KMT2E: variants seen among roughly 807,000 people sequenced by gnomAD.
The protein encoded by KMT2E is histone reader KMT2E.
Under a neutral mutation model 184.6 loss-of-function variants are expected in KMT2E, and 30 were observed. That is an observed-to-expected ratio of 0.16 (90% CI 0.12 to 0.22). The LOEUF (loss-of-function observed/expected upper bound fraction) is 0.22, where lower values mean the gene tolerates loss of function less well. Ranked by LOEUF, KMT2E falls within the 10% of genes least tolerant of loss-of-function variation. The probability of loss-of-function intolerance (pLI) is 1.00; values close to 1 mark genes in which losing one functional copy is unlikely to be tolerated. For synonymous variants in KMT2E, 815 were observed against 776.5 expected (o/e 1.05, Z -0.82); for missense variants, 2,023 against 2,237.4 (o/e 0.90, Z 1.93).
chr7:105,081,899 T>C, intron 13 of KMT2E, 102 bp downstream of exon 13: 1 of 575,174 alleles, frequency 1.7e-6, no homozygotes, highest in East Asian at 2.9e-5. Flanking sequence ...TTTTTATTTT[T>C]ATCTATCATG....
intron 3 of KMT2E, among the ~76,000 whole-genome samples, chr7:105,053,486 A>G (rs918691789): frequency 6.6e-6 from 1 of 152,234 alleles, no homozygotes; most frequent in African/African-American, 2.4e-5. Context: ...CTTAAAATAT[A>G]TAATAATTTT....
chr7:105,071,342 G>T (rs55931372), intron 6 of KMT2E, among the ~76,000 whole-genome samples: 5,958 of 151,428 alleles, frequency 0.039, 407 homozygotes, highest in African/African-American at 0.14. Flanking sequence ...TCCAGCAGGA[G>T]CTGTGCTGTT....
intron 1 of KMT2E, among the ~76,000 whole-genome samples, chr7:105,016,939 CCTTA>C (rs1794740226): frequency 6.6e-6 from 1 of 152,146 alleles, no homozygotes; most frequent in African/African-American, 2.4e-5. Context: ...GAGCACACAA[CCTTA>C]CTTAGAATAT....
intron 3 of KMT2E, among the ~76,000 whole-genome samples, chr7:105,053,624 T>TGCCTGTAATCCCAG (rs1562894161): frequency 1.3e-4 from 20 of 151,952 alleles, no homozygotes; most frequent in African/African-American, 4.8e-4. Context: ...TGTAATCCCA[T>TGCCTGTAATCCCAG]CACTTTGAGA....
chr7:105,039,148 T>C (rs528410812), intron 2 of KMT2E: 29 of 152,354 alleles, frequency 1.9e-4, no homozygotes, highest in African/African-American at 5.3e-4. Context: ...ACCAATTCTT[T>C]GTAGAATGCT....
At chr7:105,092,179 G>C (rs1299254714) in intron 15 of KMT2E, among the ~76,000 whole-genome samples, 2 of 152,176 alleles carry the variant, frequency 1.3e-5, no homozygotes, top group Admixed American at 6.5e-5. Flanking sequence ...ACTTTGGGAG[G>C]CCAAGGTGGG....
chr7:105,106,002 A>G lies in KMT2E; in HGVS notation c.2595A>G (p.Pro865=). ...PLLLNDSCSL[P]DLTTPLKKRR... is the part of the protein sequence containing the mutation. ...TATTAAATGACAGCTGTTCCCTTCC[A>G]GGTAGAATTTTTTTTTCAGAGTTTT... is the stretch of plus-strand genomic sequence containing the variant. Residue 865 remains proline, a splice_region_variant and synonymous_variant, in exon 19 of 27, where the codon CCA becomes CCG. Coordinates refer to ENST00000311117, the MANE Select transcript of KMT2E (RefSeq NM_182931.3). The G allele has an allele frequency of 6.3e-7, 1 of 1,598,818 alleles. No homozygotes were observed. The highest frequency in any genetic ancestry group is 8.5e-7 in the Non-Finnish European group (1 of 1,176,110).
At chr7:105,076,544 A>G (rs1013459103) in intron 9 of KMT2E, among the ~76,000 whole-genome samples, 33 of 152,228 alleles carry the variant, frequency 2.2e-4, no homozygotes, top group African/African-American at 7.7e-4. Flanking sequence ...GTAGCTAAAA[A>G]GTATCTTGAA....
At chr7:105,102,266 A>G (rs1798687396) in intron 17 of KMT2E, 72 bp downstream of exon 17, 1 of 1,393,066 alleles carries the variant, frequency 7.2e-7, no homozygotes, top group African/African-American at 1.5e-5. Flanking sequence ...TGTTTTAAAA[A>G]TTGGATTTTT....
At chr7:105,024,485 A>G (rs897822064) in intron 1 of KMT2E, among the ~76,000 whole-genome samples, 1 of 152,192 alleles carries the variant, frequency 6.6e-6, no homozygotes, top group African/African-American at 2.4e-5. Context: ...TTTAGAATTG[A>G]CTTAAGAGAA....
At chr7:105,033,644 G>A (rs1403068159) in intron 1 of KMT2E, among the ~76,000 whole-genome samples, 5 of 152,044 alleles carry the variant, frequency 3.3e-5, no homozygotes, top group East Asian at 1.9e-4. Flanking sequence ...GACTACAGAC[G>A]CCCGCCACCA....
rs146427176 is a variant in KMT2E, at chr7:105,090,036, C to T, written c.1386C>T (p.Leu462=). 1.4e-5 allele frequency: 23 copies of T among 1,612,862 alleles called. No individual in the cohort carries two copies. Among genetic ancestry groups the T allele is most frequent in the East Asian group, 4.5e-5 (2 of 44,834 alleles). The change falls in exon 14 of 27, where the codon CTC becomes CTT. Residue 462 remains leucine (L), a synonymous_variant. Transcript: ENST00000311117. ...NCKYKVDCAC[L]KENPECPVLK... ...AGTACAAGGTGGACTGTGCATGCCT[C>T]AAAGAAAACCCAGAGTGCCCTGTTC...
intron 3 of KMT2E, among the ~76,000 whole-genome samples, chr7:105,046,041 C>T (rs1039296755): frequency 1.3e-5 from 2 of 152,084 alleles, no homozygotes; most frequent in Admixed American, 1.3e-4. Flanking sequence ...CTCATGACTT[C>T]CAAATCATCC....
chr7:105,063,980 G>A (rs377082898), intron 5 of KMT2E: 22 of 452,710 alleles, frequency 4.9e-5, no homozygotes, highest in African/African-American at 2.0e-4. Flanking sequence ...TTTCATTGAT[G>A]TTTGTTTGAC....
At chr7:105,019,553 A>G (rs1794859565) in intron 1 of KMT2E, among the ~76,000 whole-genome samples, 1 of 152,226 alleles carries the variant, frequency 6.6e-6, no homozygotes, top group Non-Finnish European at 1.5e-5. Flanking sequence ...ATGAGTAAAT[A>G]ATTAACCTAT....
At chr7:105,100,358 T>C (rs1211343091) in intron 15 of KMT2E, among the ~76,000 whole-genome samples, 1 of 152,204 alleles carries the variant, frequency 6.6e-6, no homozygotes, top group Non-Finnish European at 1.5e-5. Flanking sequence ...TTACTGGAAC[T>C]AAAGCTCCAA....
chr7:105,097,556 T>G (rs943506459), intron 15 of KMT2E, among the ~76,000 whole-genome samples: 5 of 152,106 alleles, frequency 3.3e-5, no homozygotes, highest in Non-Finnish European at 5.9e-5. Flanking sequence ...TGGCTAATTT[T>G]TTGTATCTTT....
intron 3 of KMT2E, among the ~76,000 whole-genome samples, chr7:105,051,033 ATTTC>A (rs761985358): frequency 3.4e-5 from 5 of 147,358 alleles, no homozygotes; most frequent in Non-Finnish European, 7.5e-5. Context: ...GGCCTCATCT[ATTTC>A]TTTCTTTCCT....
chr7:105,091,220 C>T lies in KMT2E; in HGVS notation c.1628C>T (p.Pro543Leu), dbSNP rs1313507141. The change falls in exon 15 of 27, where the codon CCA (proline) becomes CTA (leucine). Residue 543 changes from proline (P) to leucine (L), a missense_variant. Physicochemically the swap from Pro to Leu is moderately conservative, Grantham distance 98. Transcript: ENST00000311117. ...GAAGTCATTTCCATTTTTCAGGAACCAGATTTTATTGATGATATAGAAGAA... is the reference window on the plus strand; with the variant it reads ...GAAGTCATTTCCATTTTTCAGGAACTAGATTTTATTGATGATATAGAAGAA... ...LRLSVSNNQE[P>L]DFIDDIEEKT... The T allele has an allele frequency of 3.4e-6, 5 of 1,468,378 alleles. No homozygotes were observed. The African/African-American group carries it at 4.2e-5, about 12-fold the overall frequency. The allele number at this position is 1,468,378 out of a possible 1,614,324, so 91.0% of individuals were successfully genotyped here.
Sources: allele counts gnomAD v4.1 joint callset (sites outside exome capture counted in the v4.1 genomes callset), GRCh38; gene constraint gnomAD v4.1.1; transcripts MANE v1.5; gene names NCBI Gene and HGNC (gene_info 2026-07-23, HGNC 2026-07-21).